FAM178B: variants seen among roughly 807,000 people sequenced by gnomAD.
FAM178B encodes family with sequence similarity 178 member B, also known as protein FAM178B.
In FAM178B, 82 loss-of-function variants were observed where a neutral mutation model predicts 91.7. That is an observed-to-expected ratio of 0.89 (90% CI 0.75 to 1.07). The LOEUF (loss-of-function observed/expected upper bound fraction) is 1.07. Among genes scored for constraint, FAM178B ranks in the 50% least tolerant of loss-of-function variants. The probability of loss-of-function intolerance (pLI) is 0.00; values close to 1 mark genes in which losing one functional copy is unlikely to be tolerated. For synonymous variants in FAM178B, 368 were observed against 359.4 expected, an observed-to-expected ratio of 1.02 and a Z score of -0.27; for missense variants, 769 against 846.7, an observed-to-expected ratio of 0.91 and a Z score of 1.14.
chr2:96,892,523 G>C (rs961472054), intron 14 of FAM178B, among the ~76,000 whole-genome samples: 1 of 152,148 alleles, frequency 6.6e-6, no homozygotes, highest in African/African-American at 2.4e-5. Context: ...AGGTGTGTGA[G>C]AATAGTCCTC....
intron 5 of FAM178B, among the ~76,000 whole-genome samples, chr2:96,962,562 A>G (rs546436430): frequency 2.0e-5 from 3 of 152,270 alleles, no homozygotes; most frequent in Non-Finnish European, 4.4e-5. Flanking sequence ...GCTGTAATGT[A>G]TGTGCATTAT....
chr2:96,899,183 G>A lies in FAM178B; in HGVS notation c.1650+3437C>T, dbSNP rs193224455. Among the ~76,000 whole-genome samples, 11 of 152,310 alleles carry A rather than the reference G, an allele frequency of 7.2e-5. No individual in the cohort carries two copies. In the South Asian group the frequency reaches 8.3e-4, roughly 11 times the overall value. ...GCCAGTCCTTCCTATCCCTCCAGTC[G>A]CCATGAATCTCTCACTCCCTTTCTC... On this transcript the variant is annotated intron_variant, in intron 13 of 16. Transcript: ENST00000490605.
intron 8 of FAM178B, chr2:96,939,271 CG>C (rs1420640682): frequency 6.6e-6 from 1 of 151,600 alleles, no homozygotes; most frequent in Admixed American, 6.6e-5. Context: ...CTGAGGCGGG[CG>C]GATCAAGAGC....
rs143843211 is a variant in FAM178B at position 96,916,338 on chromosome 2, C to T, written c.1562+4827G>A. On this transcript the variant is annotated intron_variant, in intron 12 of 16. Coordinates refer to ENST00000490605, the MANE Select transcript of FAM178B (RefSeq NM_001122646.3). The stretch of plus-strand genomic sequence containing the variant: ...CTGGTCTGCCAGGCAAGGAACTCTA[C>T]GTCATTGTCAGGGCTGGTTTCGTGA... Among the ~76,000 whole-genome samples, 157 of 152,342 alleles carry T rather than the reference C, an allele frequency of 1.0e-3. 1 individual carries two copies. Among genetic ancestry groups the T allele is most frequent in the African/African-American group, 3.6e-3 (148 of 41,574 alleles).
chr2:96,921,521 A>G lies in FAM178B; in HGVS notation c.1421T>C (p.Leu474Pro). 6.4e-7 allele frequency: 1 copy of G among 1,551,682 alleles called. No homozygotes were observed. The highest frequency in any genetic ancestry group is 8.7e-7 in the Non-Finnish European group (1 of 1,146,974). Residue 474 changes from leucine (L) to proline (P), a missense_variant, in exon 11 of 17, where the codon CTT becomes CCT. Transcript: ENST00000490605. ...RLLPKVDLQQ[L>P]LLLLLENIRE... ...GATGTTCTCCAGGAGCAAGAGGAGA[A>G]GCTGCTGGAGGTCAACTTTGGGCAG...
intron 5 of FAM178B, among the ~76,000 whole-genome samples, chr2:96,961,205 G>A (rs2082075991): frequency 6.6e-6 from 1 of 152,192 alleles, no homozygotes; most frequent in Non-Finnish European, 1.5e-5. Flanking sequence ...ATGAGGATGG[G>A]GAAAAGGGAG....
chr2:96,903,275 G>A (rs1018543251), intron 12 of FAM178B, among the ~76,000 whole-genome samples: 2 of 152,140 alleles, frequency 1.3e-5, no homozygotes, highest in Non-Finnish European at 2.9e-5. Flanking sequence ...TCCTGACCTC[G>A]TGATCCGCTC....
At chr2:96,928,224 A>G (rs572185320) in intron 9 of FAM178B, among the ~76,000 whole-genome samples, 41 of 152,286 alleles carry the variant, frequency 2.7e-4, no homozygotes, top group African/African-American at 9.6e-4. Flanking sequence ...CATGGGGGGA[A>G]GTCCTATACA....
intron 13 of FAM178B, among the ~76,000 whole-genome samples, chr2:96,899,370 G>C (rs887158808): frequency 2.0e-5 from 3 of 152,192 alleles, no homozygotes; most frequent in Admixed American, 6.5e-5. Context: ...CCCAGTGCCA[G>C]TACCTGGCAC....
chr2:96,886,260 G>A (rs2080517673), intron 14 of FAM178B, among the ~76,000 whole-genome samples: 1 of 152,242 alleles, frequency 6.6e-6, no homozygotes, highest in African/African-American at 2.4e-5. Flanking sequence ...AGGGGTGAAC[G>A]TGTATCCCAG....
At chr2:96,928,208 G>A (rs910695171) in intron 9 of FAM178B, among the ~76,000 whole-genome samples, 4 of 152,160 alleles carry the variant, frequency 2.6e-5, no homozygotes, top group East Asian at 1.9e-4. Flanking sequence ...GATTGTCAGC[G>A]GGAAGCATGG....
chr2:96,897,999 T>C, intron 13 of FAM178B: 1 of 985,532 alleles, frequency 1.0e-6, no homozygotes, highest in South Asian at 4.7e-5. Context: ...GGGCCTCCGC[T>C]GCAGCTTGTG....
intron 6 of FAM178B, 28 bp from the exon 7 acceptor site, chr2:96,951,512 G>T: frequency 6.6e-7 from 1 of 1,518,570 alleles, no homozygotes. Context: ...GAGGTTAGGG[G>T]AGGCCTCTGT....
chr2:96,977,812 A>T (rs2082310994), intron 1 of FAM178B: 1 of 456,484 alleles, frequency 2.2e-6, no homozygotes, highest in Non-Finnish European at 4.4e-6. Context: ...TAGGACGCAT[A>T]ATACCGGCCT....
At chr2:96,966,670 A>G (rs1232043143) in intron 5 of FAM178B, among the ~76,000 whole-genome samples, 4 of 152,052 alleles carry the variant, frequency 2.6e-5, no homozygotes, top group Non-Finnish European at 4.4e-5. Flanking sequence ...TGTCCCCCCA[A>G]AATATATGTG....
At chr2:96,978,629 T>G (rs1334783212) in intron 1 of FAM178B, among the ~76,000 whole-genome samples, 1 of 9,482 alleles carries the variant, frequency 1.1e-4, no homozygotes. Context: ...TGATTTCTTC[T>G]TTTTTTTTTT....
chr2:96,889,078 C>T (rs2080600716), intron 14 of FAM178B, among the ~76,000 whole-genome samples: 1 of 152,148 alleles, frequency 6.6e-6, no homozygotes, highest in Non-Finnish European at 1.5e-5. Context: ...ATAACAGGTG[C>T]AGAACCCACA....
intron 8 of FAM178B, among the ~76,000 whole-genome samples, chr2:96,942,730 A>C (rs1432680538): frequency 6.6e-6 from 1 of 152,204 alleles, no homozygotes; most frequent in Non-Finnish European, 1.5e-5. Context: ...GAGGACTCAT[A>C]CTTCCCAACT....
chr2:96,876,083 G>A lies in FAM178B; in HGVS notation c.*193C>T, dbSNP rs1317112541. The A allele has an allele frequency of 5.0e-6, 3 of 603,242 alleles. No individual in the cohort carries two copies. The highest frequency in any genetic ancestry group is 1.9e-5 in the African/African-American group (1 of 53,502). The allele number at this position is 603,242 out of a possible 1,614,324, so 37.4% of individuals were successfully genotyped here. On this transcript the variant is annotated 3_prime_UTR_variant, in exon 17 of 17. Coordinates refer to ENST00000490605, the MANE Select transcript of FAM178B (RefSeq NM_001122646.3). Reference sequence around the variant, plus strand: ...CCATCCCTTGCTGAGAGGAGAGGGGGTCGGGGCGGTGGCAGAGGCAGGCTC... The same window carrying A: ...CCATCCCTTGCTGAGAGGAGAGGGGATCGGGGCGGTGGCAGAGGCAGGCTC...
Sources: gnomAD v4.1 joint callset for allele counts (sites outside exome capture counted in the v4.1 genomes callset) on GRCh38, gnomAD v4.1.1 for gene constraint, MANE v1.5 for transcripts, NCBI Gene and HGNC (gene_info 2026-07-23, HGNC 2026-07-21) for gene names.